Variants in TOPBP1 observed in about 807,000 individuals in gnomAD.
The protein encoded by TOPBP1 is DNA topoisomerase 2-binding protein 1.
Under a neutral mutation model 167.7 loss-of-function variants are expected in TOPBP1, and 28 were observed. The observed-to-expected ratio is 0.17, with a 90% CI of 0.12 to 0.23. The LOEUF is 0.23. Ranked by LOEUF, TOPBP1 falls within the 10% of genes least tolerant of loss-of-function variation. The probability of loss-of-function intolerance (pLI) is 1.00; values close to 1 mark genes in which losing one functional copy is unlikely to be tolerated. For synonymous variants in TOPBP1, 598 were observed against 611.4 expected (o/e 0.98, Z 0.32); for missense variants, 1,554 against 1,809.6 (o/e 0.86, Z 2.56).
At chr3:133,622,648 A>C (rs1935131412) in intron 19 of TOPBP1, among the ~76,000 whole-genome samples, 1 of 152,170 alleles carries the variant, frequency 6.6e-6, no homozygotes, top group South Asian at 2.1e-4. Context: ...TGTATCTTTA[A>C]AACCATGTGG....
At chr3:133,607,210 G>A (rs1934523101) in intron 27 of TOPBP1, among the ~76,000 whole-genome samples, 1 of 152,064 alleles carries the variant, frequency 6.6e-6, no homozygotes, top group African/African-American at 2.4e-5. Flanking sequence ...TACTGGTTGA[G>A]CAACCGAAAC....
chr3:133,658,808 AAAAAAC>A (rs914401823), intron 3 of TOPBP1, among the ~76,000 whole-genome samples: 3 of 152,300 alleles, frequency 2.0e-5, no homozygotes, highest in Non-Finnish European at 4.4e-5. Flanking sequence ...CTCTGTCTCC[AAAAAAC>A]AAAAACAAAA....
At chr3:133,621,694 T>C (rs1559813386) in intron 19 of TOPBP1, among the ~76,000 whole-genome samples, 1 of 152,202 alleles carries the variant, frequency 6.6e-6, no homozygotes, top group East Asian at 1.9e-4. Context: ...TTTGGTTTTC[T>C]TTAAAGCCTA....
intron 14 of TOPBP1, among the ~76,000 whole-genome samples, chr3:133,636,471 T>C (rs1019392154): frequency 6.6e-6 from 1 of 152,130 alleles, no homozygotes. Flanking sequence ...TGAAGCATTA[T>C]TTATGTGCCA....
At chr3:133,649,040 A>G (rs1359168157) in intron 10 of TOPBP1, among the ~76,000 whole-genome samples, 1 of 152,218 alleles carries the variant, frequency 6.6e-6, no homozygotes, top group Non-Finnish European at 1.5e-5. Flanking sequence ...AGTCCACAGT[A>G]CAGTTTCATG....
intron 8 of TOPBP1, among the ~76,000 whole-genome samples, chr3:133,651,107 CA>C (rs1459873058): frequency 1.1e-5 from 1 of 93,046 alleles, no homozygotes; most frequent in East Asian, 2.9e-4. Flanking sequence ...AAAACAAAAA[CA>C]AAAAACCCAC....
At chr3:133,636,012 G>A (rs1266384452) in intron 14 of TOPBP1, among the ~76,000 whole-genome samples, 1 of 151,608 alleles carries the variant, frequency 6.6e-6, no homozygotes, top group Admixed American at 6.6e-5. Context: ...AAAAAAAACA[G>A]ACTCAAAAGA....
chr3:133,623,249 T>G, intron 18 of TOPBP1, 56 bp from the exon 19 acceptor site: 3 of 1,611,924 alleles, frequency 1.9e-6, no homozygotes, highest in Non-Finnish European at 2.5e-6. Flanking sequence ...TAAGGTTTCA[T>G]AGCAATATAT....
chr3:133,648,756 C>T (rs1936172596), intron 10 of TOPBP1, among the ~76,000 whole-genome samples: 1 of 152,004 alleles, frequency 6.6e-6, no homozygotes, highest in Admixed American at 6.5e-5. Context: ...TGAGATCATG[C>T]CACTACACTC....
intron 16 of TOPBP1, among the ~76,000 whole-genome samples, chr3:133,624,469 G>A (rs1235501738): frequency 5.3e-5 from 8 of 151,864 alleles, no homozygotes; most frequent in Admixed American, 3.3e-4. Flanking sequence ...GCAAGACCCC[G>A]CCTCAAGAAA....
At chr3:133,609,391 C>T (rs1576677831) in intron 25 of TOPBP1, among the ~76,000 whole-genome samples, 1 of 152,122 alleles carries the variant, frequency 6.6e-6, no homozygotes, top group East Asian at 1.9e-4. Flanking sequence ...TGGAATTACT[C>T]TAAAAGAGAG....
At chr3:133,658,568 C>G (rs1453224632) in intron 3 of TOPBP1, among the ~76,000 whole-genome samples, 2 of 151,946 alleles carry the variant, frequency 1.3e-5, no homozygotes, top group Non-Finnish European at 2.9e-5. Flanking sequence ...TTTTGGGAGG[C>G]TGAGGTGGGA....
intron 27 of TOPBP1, among the ~76,000 whole-genome samples, chr3:133,606,125 T>A (rs1338673895): frequency 6.6e-6 from 1 of 151,932 alleles, no homozygotes; most frequent in Non-Finnish European, 1.5e-5. Flanking sequence ...GAGGCAGAGG[T>A]TGCAGTAAGC....
chr3:133,628,390 T>C lies in TOPBP1; in HGVS notation c.2776A>G (p.Ile926Val), dbSNP rs1353878151. ...TAATCTGCTCCTAGAGAGGCTGCGA[T>C]CCCATTTAGTTCACTCTGCTTCTTA... is the stretch of plus-strand genomic sequence containing the variant. ...LSKKQSELNG[I>V]AASLGADYRW... The change falls in exon 16 of 28, where the codon ATC (isoleucine) becomes GTC (valine). Residue 926 changes from isoleucine to valine, a missense_variant. Physicochemically the swap from Ile to Val is conservative, Grantham distance 29 (BLOSUM62 3). Coordinates refer to ENST00000260810, the MANE Select transcript of TOPBP1 (RefSeq NM_007027.4). 1.2e-6 allele frequency: 2 copies of C among 1,606,498 alleles called. No homozygotes were observed. The highest frequency in any genetic ancestry group is 1.7e-6 in the Non-Finnish European group (2 of 1,176,134).
In TOPBP1 at chr3:133,627,228, A is replaced by T. The variant is rs114977305; in HGVS notation, c.2804+1134T>A. 8.3e-3 allele frequency among the ~76,000 whole-genome samples: 1,268 copies of T among 152,298 alleles called. 11 individuals carry two copies. Among genetic ancestry groups the T allele is most frequent in the African/African-American group, 0.029 (1,218 of 41,558 alleles). On this transcript the variant is annotated intron_variant, in intron 16 of 27. Transcript: ENST00000260810. ...TATACTGAGAGGACTGGCATTTAAA[A>T]TCATATAAAAACATACATCCTATAT...
intron 23 of TOPBP1, among the ~76,000 whole-genome samples, chr3:133,614,500 T>C (rs1209296230): frequency 6.6e-6 from 1 of 152,174 alleles, no homozygotes; most frequent in African/African-American, 2.4e-5. Flanking sequence ...ATATCTATTA[T>C]AATGTCTCTT....
intron 24 of TOPBP1, 86 bp downstream of exon 24, chr3:133,612,303 G>A: frequency 6.6e-7 from 1 of 1,522,676 alleles, no homozygotes; most frequent in Non-Finnish European, 8.9e-7. Context: ...GCCTCCCAAA[G>A]TGCTAGGATA....
At chr3:133,657,534 T>A (rs1936520798) in intron 4 of TOPBP1, among the ~76,000 whole-genome samples, 3 of 152,036 alleles carry the variant, frequency 2.0e-5, no homozygotes, top group Admixed American at 1.3e-4. Context: ...TGGAAAAATG[T>A]AAGTGATTAA....
intron 20 of TOPBP1, among the ~76,000 whole-genome samples, chr3:133,619,123 A>C (rs142677810): frequency 0.03 from 4,348 of 146,504 alleles, 167 homozygotes; most frequent in South Asian, 0.14. Context: ...AAAAAAAAAA[A>C]AACAAAAAAC....
Sources: gnomAD v4.1 joint callset for allele counts (sites outside exome capture counted in the v4.1 genomes callset) on GRCh38, gnomAD v4.1.1 for gene constraint, MANE v1.5 for transcripts, NCBI Gene and HGNC (gene_info 2026-07-23, HGNC 2026-07-21) for gene names.